CNTRL: variants seen among roughly 807,000 people sequenced by gnomAD.
CNTRL encodes centriolin.
CNTRL carries 233 observed loss-of-function variants against 303.7 expected under a neutral mutation model. The ratio of observed to expected loss-of-function variants is 0.77; its 90% CI spans 0.69 to 0.86. The LOEUF is 0.86. CNTRL is among the 40% of genes least tolerant of loss of function. The pLI is 0.00. For synonymous variants in CNTRL, 900 were observed against 922.2 expected (o/e 0.98, Z 0.44); for missense variants, 2,524 against 2,650.6 (o/e 0.95, Z 1.05).
At chr9:121,127,848 A>G (rs1030485587) in intron 14 of CNTRL, among the ~76,000 whole-genome samples, 2 of 129,930 alleles carry the variant, frequency 1.5e-5, no homozygotes, top group Non-Finnish European at 3.1e-5. Flanking sequence ...CCTGTGTCCA[A>G]GTGTTCTCAT....
Position 121,157,889 on chromosome 9 carries a change from G to C in CNTRL, c.4637+9G>C, listed in dbSNP as rs1440966359. On this transcript the variant is annotated intron_variant, in intron 29 of 43. Coordinates refer to ENST00000373855, the MANE Select transcript of CNTRL (RefSeq NM_007018.6). ...GAAAAACTGACAGAAGAGTAAGTAA[G>C]GCCTCTGTAGGGCTACAAGGGGTTT... 6.2e-7 allele frequency: 1 copy of C among 1,613,890 alleles called. No homozygotes were observed.
At chr9:121,136,175 A>G (rs937622946) in intron 15 of CNTRL, among the ~76,000 whole-genome samples, 193 bp downstream of exon 15, 1 of 152,186 alleles carries the variant, frequency 6.6e-6, no homozygotes, top group African/African-American at 2.4e-5. Flanking sequence ...CGGGCAAATC[A>G]GTTCATAGCT....
chr9:121,146,041 C>T (rs2051832502), intron 22 of CNTRL, 67 bp from the exon 23 acceptor site: 3 of 1,404,756 alleles, frequency 2.1e-6, no homozygotes, highest in Non-Finnish European at 2.9e-6. Context: ...CTTAGAATCT[C>T]TTTTATATTT....
rs2052141498 is a variant in CNTRL, at chr9:121,150,191, G to A, written c.3671G>A (p.Ser1224Asn). The stretch of plus-strand genomic sequence containing the variant: ...GAAGATGCAGACAGTGGAGGAGATA[G>A]TCAGGAAGAGAGTGAGCTGGATGAC... ...PSRDADSGGD[S>N]QEESELDDQE... Residue 1224 changes from serine to asparagine, a missense_variant, in exon 25 of 44, where the codon AGT becomes AAT. Physicochemically the swap from Ser to Asn is conservative, Grantham distance 46. Coordinates refer to ENST00000373855, the MANE Select transcript of CNTRL (RefSeq NM_007018.6). The A allele has an allele frequency of 1.9e-6, 3 of 1,612,662 alleles. No homozygotes were observed. Among genetic ancestry groups the A allele is most frequent in the Non-Finnish European group, 2.5e-6 (3 of 1,179,092 alleles).
intron 7 of CNTRL, among the ~76,000 whole-genome samples, chr9:121,102,600 GT>G (rs1377937107): frequency 6.6e-6 from 1 of 152,182 alleles, no homozygotes; most frequent in Admixed American, 6.5e-5. Flanking sequence ...AAAAGAGGAA[GT>G]CAAATTGTCC....
At chr9:121,083,021 TA>T (rs961799466) in intron 2 of CNTRL, among the ~76,000 whole-genome samples, 1 of 149,704 alleles carries the variant, frequency 6.7e-6, no homozygotes, top group Non-Finnish European at 1.5e-5. Flanking sequence ...GTATAAAATG[TA>T]AAAAAAGTAT....
rs1420601333 is a variant in CNTRL, at chr9:121,177,533, CTT to C, written c.*349_*350del. On this transcript the variant is annotated 3_prime_UTR_variant, in exon 44 of 44. Coordinates refer to ENST00000373855, the MANE Select transcript of CNTRL (RefSeq NM_007018.6). ...ACAAAAAGAATGTACTTAAGGCCCT[CTT>C]TATTTATAGTGTCGAGTTATTTTTG... 3.9e-6 allele frequency: 1 copy of C among 258,590 alleles called. No individual in the cohort carries two copies. Among genetic ancestry groups the C allele is most frequent in the Non-Finnish European group, 7.3e-6 (1 of 137,260 alleles). 16.0% of individuals were successfully genotyped at this position (258,590 alleles called of 1,614,324 possible).
In CNTRL at chr9:121,118,386, GT is replaced by G; in HGVS notation, c.1497del (p.Ser499ArgfsTer7). The G allele has an allele frequency of 6.2e-7, 1 of 1,611,038 alleles. No homozygotes were observed. Among genetic ancestry groups the G allele is most frequent in the Non-Finnish European group, 8.5e-7 (1 of 1,178,342 alleles). The part of the protein sequence containing the change: ...AGKDLLYKQL[S>X]GRLQLVNKLR... ...AAAGACCTTCTTTACAAGCAGTTGA[GT>G]GGTAGACTACAACTTGTAAATAAAT... On this transcript the variant is annotated frameshift_variant, in exon 12 of 44. Transcript: ENST00000373855. LOFTEE classifies it high-confidence loss of function.
At chr9:121,170,036 C>T (rs562928600) in intron 39 of CNTRL, among the ~76,000 whole-genome samples, 17 of 152,262 alleles carry the variant, frequency 1.1e-4, no homozygotes, top group African/African-American at 3.9e-4. Context: ...GCTGGGGAGA[C>T]TGTTGGTGTG....
chr9:121,118,531 C>T lies in CNTRL; in HGVS notation c.1641C>T (p.Asp547=). 3 of 1,590,800 alleles carry T rather than the reference C, an allele frequency of 1.9e-6. No individual in the cohort carries two copies. The highest frequency in any genetic ancestry group is 1.7e-6 in the Non-Finnish European group (2 of 1,168,980). Residue 547 remains aspartate (D), a synonymous_variant, in exon 12 of 44, where the codon GAC becomes GAT. Transcript: ENST00000373855. ...CCATAGATAGCCTGGATTCCAAAGA[C>T]CCAAAACATGTGAGTAAATTAAGAA... ...QIAIDSLDSK[D]PKHSHMKAQK... is the part of the protein sequence containing the mutation.
intron 2 of CNTRL, among the ~76,000 whole-genome samples, chr9:121,085,434 G>A (rs568255336): frequency 6.8e-4 from 103 of 152,332 alleles, no homozygotes; most frequent in Non-Finnish European, 1.2e-3. Flanking sequence ...CAGAGAGAGA[G>A]AGAGAGCACA....
chr9:121,090,405 G>C lies in CNTRL; in HGVS notation c.348G>C (p.Lys116Asn), dbSNP rs2048514262. Residue 116 changes from lysine to asparagine, a missense_variant and splice_region_variant, in exon 4 of 44, where the codon AAG becomes AAC. Transcript: ENST00000373855. ...CTAAAGACGGTGGCAAGAAATTTAAGGTAGGTTACCAACAATTTCTGAGCA... is the reference window on the plus strand; with the variant it reads ...CTAAAGACGGTGGCAAGAAATTTAACGTAGGTTACCAACAATTTCTGAGCA... ...SLSKDGGKKF[K>N]YIENLEKCVK... 6.2e-7 allele frequency: 1 copy of C among 1,608,306 alleles called. No individual in the cohort carries two copies. Among genetic ancestry groups the C allele is most frequent in the African/African-American group, 1.3e-5 (1 of 74,740 alleles).
rs1240872671 is a variant in CNTRL at position 121,141,567 on chromosome 9, T to A, written c.2670T>A (p.Cys890Ter). 6.2e-7 allele frequency: 1 copy of A among 1,614,016 alleles called. No individual in the cohort carries two copies. Among genetic ancestry groups the A allele is most frequent in the South Asian group, 1.1e-5 (1 of 91,076 alleles). ...ATGQEEFRQA[C>*]ERALEARMNF... ...GACAAGAAGAGTTCAGGCAGGCCTGTGAGAGAGCCCTGGAAGCAAGAGTAA... is the reference window on the plus strand; with the variant it reads ...GACAAGAAGAGTTCAGGCAGGCCTGAGAGAGAGCCCTGGAAGCAAGAGTAA... The change falls in exon 18 of 44, where the codon TGT becomes TGA. Residue 890 changes from cysteine (C) to a stop codon, truncating the protein, a stop_gained. Coordinates refer to ENST00000373855, the MANE Select transcript of CNTRL (RefSeq NM_007018.6). LOFTEE classifies it high-confidence loss of function.
chr9:121,176,948 G>C (rs111233416), intron 43 of CNTRL, among the ~76,000 whole-genome samples: 14 of 151,982 alleles, frequency 9.2e-5, no homozygotes, highest in African/African-American at 3.4e-4. Context: ...TTTTAAACTA[G>C]AACTTTTAAT....
intron 38 of CNTRL, 39 bp downstream of exon 38, chr9:121,168,360 G>A (rs917533238): frequency 2.6e-6 from 4 of 1,566,000 alleles, no homozygotes; most frequent in Non-Finnish European, 3.5e-6. Flanking sequence ...GATGGGGTAT[G>A]GATTGGCTCT....
intron 4 of CNTRL, among the ~76,000 whole-genome samples, chr9:121,092,597 T>G (rs1480460007): frequency 4.3e-4 from 4 of 9,350 alleles, no homozygotes; most frequent in African/African-American, 8.1e-4. Flanking sequence ...TATCTATATA[T>G]ATAATATATA....
chr9:121,135,440 A>G (rs2133858109), intron 14 of CNTRL, among the ~76,000 whole-genome samples: 1 of 152,374 alleles, frequency 6.6e-6, no homozygotes, highest in Middle Eastern at 3.4e-3. Context: ...ACAATGAAAT[A>G]ATGAATATGA....
intron 23 of CNTRL, 106 bp from the exon 24 acceptor site, chr9:121,148,564 TTC>T: frequency 9.8e-7 from 1 of 1,022,710 alleles, no homozygotes; most frequent in South Asian, 1.7e-5. Context: ...AGAAGCCAAG[TTC>T]TTTCTCAACC....
intron 1 of CNTRL, among the ~76,000 whole-genome samples, chr9:121,075,695 A>G (rs1014350820): frequency 6.6e-6 from 1 of 152,134 alleles, no homozygotes; most frequent in Non-Finnish European, 1.5e-5. Flanking sequence ...ATGTTTCCTC[A>G]TTTGTCCAAA....
Sources: gnomAD v4.1 joint callset for allele counts (sites outside exome capture counted in the v4.1 genomes callset) on GRCh38, gnomAD v4.1.1 for gene constraint, MANE v1.5 for transcripts, NCBI Gene and HGNC (gene_info 2026-07-23, HGNC 2026-07-21) for gene names.